NLGN1: variants seen among roughly 807,000 people sequenced by gnomAD.
NLGN1 encodes neuroligin 1, also known as neuroligin-1.
Under a neutral mutation model 65.5 loss-of-function variants are expected in NLGN1, and 12 were observed. The ratio of observed to expected loss-of-function variants is 0.18; its 90% CI spans 0.12 to 0.30. The LOEUF (loss-of-function observed/expected upper bound fraction) is 0.30. NLGN1 is among the 10% of genes least tolerant of loss of function. The pLI, the probability that NLGN1 is intolerant of heterozygous loss-of-function variation, is 1.00. For synonymous variants in NLGN1, 350 were observed against 359.5 expected (o/e 0.97, Z 0.30); for missense variants, 750 against 1,007.1 (o/e 0.74, Z 3.46).
intron 4 of NLGN1, among the ~76,000 whole-genome samples, chr3:173,876,237 G>C (rs1560539639): frequency 6.6e-6 from 1 of 152,062 alleles, no homozygotes; most frequent in Non-Finnish European, 1.5e-5. Context: ...CATTTGTGGT[G>C]GTTGAGTCGG....
chr3:174,068,406 G>A (rs1739123704), intron 4 of NLGN1, among the ~76,000 whole-genome samples: 1 of 152,072 alleles, frequency 6.6e-6, no homozygotes, highest in African/African-American at 2.4e-5. Flanking sequence ...CTTAGGCAGA[G>A]GGGGCAGCCA....
intron 3 of NLGN1, among the ~76,000 whole-genome samples, chr3:173,753,592 C>A (rs998063197): frequency 2.6e-5 from 4 of 152,104 alleles, no homozygotes; most frequent in East Asian, 1.9e-4. Context: ...AAACTTTTTT[C>A]TCTTTCTATT....
intron 4 of NLGN1, among the ~76,000 whole-genome samples, chr3:173,865,936 A>G (rs993776517): frequency 1.2e-4 from 19 of 152,182 alleles, no homozygotes; most frequent in African/African-American, 4.6e-4. Flanking sequence ...TTATTCTGCT[A>G]TTAACCACAT....
chr3:174,176,500 A>T (rs1188579046), intron 4 of NLGN1, among the ~76,000 whole-genome samples: 1 of 151,674 alleles, frequency 6.6e-6, no homozygotes, highest in Non-Finnish European at 1.5e-5. Context: ...CAGTGGTGAG[A>T]CTCCCTTTCT....
the NLGN1 span, among the ~76,000 whole-genome samples, chr3:174,292,791 T>C: frequency 5.9e-5 from 9 of 151,358 alleles, no homozygotes; most frequent in Admixed American, 4.0e-4. Context: ...AAATTAGAAA[T>C]AATGAGTTAT....
At chr3:174,138,699 G>C (rs1219758464) in intron 4 of NLGN1, among the ~76,000 whole-genome samples, 1 of 152,064 alleles carries the variant, frequency 6.6e-6, no homozygotes, top group Non-Finnish European at 1.5e-5. Flanking sequence ...CTCCCAAAGT[G>C]CTGGGATTAC....
chr3:173,797,119 G>A (rs905374227), intron 3 of NLGN1, among the ~76,000 whole-genome samples: 2 of 152,036 alleles, frequency 1.3e-5, no homozygotes, highest in Admixed American at 6.6e-5. Flanking sequence ...GATCTGCTGC[G>A]GTAATCCAGA....
At chr3:173,897,346 A>G (rs12630744) in intron 4 of NLGN1, among the ~76,000 whole-genome samples, 1 of 152,156 alleles carries the variant, frequency 6.6e-6, no homozygotes. Flanking sequence ...AAATTAAGAT[A>G]GTAAAATTTG....
Position 174,271,526 on chromosome 3 carries a change from A to C in NLGN1, c.647-3789A>C, listed in dbSNP as rs75818616. 1.8e-3 allele frequency among the ~76,000 whole-genome samples: 273 copies of C among 151,778 alleles called. 6 individuals carry two copies. In the East Asian group the frequency reaches 0.031, roughly 17 times the overall value. On this transcript the variant is annotated intron_variant, in intron 4 of 6. Coordinates refer to ENST00000457714, the Ensembl canonical transcript of NLGN1. ...TTGATCACAGTAATTATCTGTTTTT[A>C]TTTATTTTCCCCTTGTCCGGTTTAT... is the stretch of plus-strand genomic sequence containing the variant.
At chr3:174,273,310 C>G (rs539695566) in intron 4 of NLGN1, among the ~76,000 whole-genome samples, 2 of 151,630 alleles carry the variant, frequency 1.3e-5, no homozygotes, top group Non-Finnish European at 3.0e-5. Context: ...CTCTCTCACA[C>G]GCACATATCC....
At chr3:174,123,306 A>G (rs914336951) in intron 4 of NLGN1, among the ~76,000 whole-genome samples, 1 of 152,252 alleles carries the variant, frequency 6.6e-6, no homozygotes, top group East Asian at 1.9e-4. Flanking sequence ...GGTGAATTAC[A>G]AAAGAGACAG....
intron 4 of NLGN1, among the ~76,000 whole-genome samples, chr3:173,942,641 G>C (rs904131915): frequency 1.3e-5 from 2 of 151,816 alleles, no homozygotes; most frequent in African/African-American, 4.8e-5. Flanking sequence ...AACCAAAAAA[G>C]AACAAAATAC....
intron 2 of NLGN1, among the ~76,000 whole-genome samples, chr3:173,504,510 G>T (rs1022350192): frequency 1.3e-5 from 2 of 151,974 alleles, no homozygotes; most frequent in Non-Finnish European, 2.9e-5. Flanking sequence ...ATATCTTTCT[G>T]TTAAAATATT....
At chr3:173,565,333 TG>T (rs34035534) in intron 2 of NLGN1, among the ~76,000 whole-genome samples, 1 of 152,094 alleles carries the variant, frequency 6.6e-6, no homozygotes, top group Non-Finnish European at 1.5e-5. Context: ...TGAAGCAGCA[TG>T]GGATTGAGAA....
At chr3:173,611,961 C>T (rs946700900) in intron 3 of NLGN1, among the ~76,000 whole-genome samples, 1 of 152,058 alleles carries the variant, frequency 6.6e-6, no homozygotes, top group East Asian at 1.9e-4. Context: ...ATTCTTTTCA[C>T]ATATATGGCA....
chr3:173,901,859 G>T (rs1014320284), intron 4 of NLGN1, among the ~76,000 whole-genome samples: 3 of 152,074 alleles, frequency 2.0e-5, no homozygotes, highest in Non-Finnish European at 2.9e-5. Flanking sequence ...TGCTGTGTCA[G>T]AGTCAGAGCC....
At chr3:173,689,234 A>G (rs1485819591) in intron 3 of NLGN1, among the ~76,000 whole-genome samples, 4 of 152,136 alleles carry the variant, frequency 2.6e-5, no homozygotes, top group Non-Finnish European at 1.5e-5. Flanking sequence ...CAGCATGGCG[A>G]AATCAAACCC....
At chr3:174,111,341 A>C (rs1715184523) in intron 4 of NLGN1, among the ~76,000 whole-genome samples, 1 of 151,836 alleles carries the variant, frequency 6.6e-6, no homozygotes, top group Non-Finnish European at 1.5e-5. Flanking sequence ...GAGACCAAAA[A>C]TCTCCAAATG....
At chr3:174,224,837 C>T (rs983795842) in intron 4 of NLGN1, among the ~76,000 whole-genome samples, 1 of 152,234 alleles carries the variant, frequency 6.6e-6, no homozygotes, top group Admixed American at 6.5e-5. Flanking sequence ...TCCAGAATCC[C>T]CAGGATTTCA....
Sources: allele counts gnomAD v4.1 joint callset (sites outside exome capture counted in the v4.1 genomes callset), GRCh38; gene constraint gnomAD v4.1.1; transcripts MANE v1.5; gene names NCBI Gene and HGNC (gene_info 2026-07-23, HGNC 2026-07-21).